PAPOLG: variants seen among roughly 807,000 people sequenced by gnomAD.
The protein encoded by PAPOLG is PAP-gamma.
PAPOLG carries 40 observed loss-of-function variants against 99.0 expected under a neutral mutation model. The ratio of observed to expected loss-of-function variants is 0.40; its 90% CI spans 0.31 to 0.53. PAPOLG has a LOEUF of 0.53. Among genes scored for constraint, PAPOLG ranks in the 20% least tolerant of loss-of-function variants. PAPOLG has a pLI of 0.41. For synonymous variants in PAPOLG, 310 were observed against 299.3 expected (o/e 1.04, Z -0.37); for missense variants, 675 against 884.1 (o/e 0.76, Z 3.00).
intron 18 of PAPOLG, 42 bp from the exon 19 acceptor site, chr2:60,793,929 A>T (rs749670717): frequency 6.4e-7 from 1 of 1,573,672 alleles, no homozygotes; most frequent in Non-Finnish European, 8.7e-7. Flanking sequence ...AAAAAAAATT[A>T]CATAAATGTT....
At chr2:60,793,741 A>C in intron 18 of PAPOLG, 26 bp downstream of exon 18, 1 of 1,584,196 alleles carries the variant, frequency 6.3e-7, no homozygotes, top group Non-Finnish European at 8.6e-7. Context: ...TGTATATATT[A>C]ATAATTATAT....
chr2:60,761,656 C>T, intron 2 of PAPOLG, 85 bp from the exon 3 acceptor site: 1 of 1,174,476 alleles, frequency 8.5e-7, no homozygotes, highest in Non-Finnish European at 1.2e-6. Flanking sequence ...AGCATCAACA[C>T]AAAGGGTACT....
intron 13 of PAPOLG, among the ~76,000 whole-genome samples, chr2:60,785,588 G>A (rs185448322): frequency 4.6e-5 from 7 of 151,930 alleles, no homozygotes; most frequent in East Asian, 3.9e-4. Context: ...GTATAGTGGG[G>A]TGATCATACT....
At chr2:60,796,097 A>AT (rs1385209517) in intron 21 of PAPOLG, among the ~76,000 whole-genome samples, 2 of 152,128 alleles carry the variant, frequency 1.3e-5, no homozygotes, top group East Asian at 3.9e-4. Flanking sequence ...GTTTTAATGC[A>AT]TATGGATATG....
rs201507472 is a variant in PAPOLG, at chr2:60,783,223, T to A, written c.1166+14T>A. On this transcript the variant is annotated intron_variant, in intron 13 of 21. Transcript: ENST00000238714. Reference sequence around the variant, plus strand: ...CCATCTAGAGTGGTAAGACTTCTATTTCAAGTTTTCTACCTACTGTGTGGT... The same window carrying A: ...CCATCTAGAGTGGTAAGACTTCTATATCAAGTTTTCTACCTACTGTGTGGT... 1.3e-6 allele frequency: 2 copies of A among 1,517,482 alleles called. No individual in the cohort carries two copies. The highest frequency in any genetic ancestry group is 1.8e-6 in the Non-Finnish European group (2 of 1,112,030). The allele number at this position is 1,517,482 out of a possible 1,614,324, so 94.0% of individuals were successfully genotyped here.
intron 15 of PAPOLG, among the ~76,000 whole-genome samples, chr2:60,789,432 G>T (rs896745457): frequency 2.6e-5 from 4 of 151,740 alleles, no homozygotes; most frequent in African/African-American, 9.7e-5. Context: ...ACAGGATTTC[G>T]CCATGTTGCC....
intron 7 of PAPOLG, among the ~76,000 whole-genome samples, chr2:60,772,591 A>G (rs1486278212): frequency 1.3e-5 from 2 of 152,150 alleles, no homozygotes; most frequent in Admixed American, 6.5e-5. Context: ...TCTATTAAAA[A>G]TAAAAAACTA....
At chr2:60,794,890 T>C (rs994198164) in intron 20 of PAPOLG, 74 bp from the exon 21 acceptor site, 14 of 1,586,060 alleles carry the variant, frequency 8.8e-6, no homozygotes, top group Non-Finnish European at 1.2e-5. Flanking sequence ...TTCGTTAGGT[T>C]TTATTTTAAG....
intron 15 of PAPOLG, among the ~76,000 whole-genome samples, chr2:60,787,905 G>C (rs1671414290): frequency 6.6e-6 from 1 of 152,086 alleles, no homozygotes; most frequent in African/African-American, 2.4e-5. Context: ...TACAAAGTTA[G>C]TAGAGTGTGG....
intron 15 of PAPOLG, among the ~76,000 whole-genome samples, chr2:60,790,746 A>G (rs943449071): frequency 1.3e-5 from 2 of 152,144 alleles, no homozygotes; most frequent in African/African-American, 4.8e-5. Context: ...GTAAATTCTC[A>G]TGGAGGAGGA....
rs1671537439 is a variant in PAPOLG, at chr2:60,791,567, T to G, written c.1397-194T>G. ...AACTCCATCTCAAAAAAAGAAAAACTAGTGGATTCATGAATAGGATTGTGA... is the reference window on the plus strand; with the variant it reads ...AACTCCATCTCAAAAAAAGAAAAACGAGTGGATTCATGAATAGGATTGTGA... On this transcript the variant is annotated intron_variant, in intron 15 of 21. Transcript: ENST00000238714. The G allele has an allele frequency of 1.2e-5, 6 of 483,014 alleles. No homozygotes were observed. The South Asian group carries it at 2.3e-4, about 19-fold the overall frequency. The allele number at this position is 483,014 out of a possible 1,614,324, so 29.9% of individuals were successfully genotyped here. A position where few individuals can be genotyped will look rare whatever the true frequency, so the allele number is the denominator to read the frequency against.
chr2:60,761,052 G>C, intron 2 of PAPOLG, among the ~76,000 whole-genome samples: 1 of 152,152 alleles, frequency 6.6e-6, no homozygotes, highest in East Asian at 1.9e-4. Flanking sequence ...TTAAAGGTAG[G>C]GTTCTTAGGG....
chr2:60,791,983 G>A, intron 16 of PAPOLG, 101 bp downstream of exon 16: 1 of 1,473,170 alleles, frequency 6.8e-7, no homozygotes, highest in South Asian at 1.3e-5. Flanking sequence ...AGAAAAATAA[G>A]GAAGATATAG....
chr2:60,791,710 A>C, intron 15 of PAPOLG, 51 bp from the exon 16 acceptor site: 1 of 1,555,736 alleles, frequency 6.4e-7, no homozygotes, highest in East Asian at 2.3e-5. Flanking sequence ...ATTAGGCAGA[A>C]CCCTTGGTTC....
intron 12 of PAPOLG, 110 bp from the exon 13 acceptor site, chr2:60,783,046 T>C: frequency 3.0e-6 from 3 of 1,007,398 alleles, no homozygotes; most frequent in Non-Finnish European, 4.2e-6. Context: ...CTGTGTGCCT[T>C]TATTAGCTCA....
intron 3 of PAPOLG, among the ~76,000 whole-genome samples, chr2:60,765,519 G>C (rs1416618699): frequency 6.6e-6 from 1 of 151,294 alleles, no homozygotes; most frequent in Non-Finnish European, 1.5e-5. Flanking sequence ...TTATAGGCAT[G>C]AGCCACCACT....
chr2:60,798,345 A>G lies in PAPOLG; in HGVS notation c.*1185A>G, dbSNP rs997421140. The G allele has an allele frequency of 2.0e-5, 3 of 152,794 alleles. No homozygotes were observed. Among genetic ancestry groups the G allele is most frequent in the Non-Finnish European group, 2.9e-5 (2 of 68,036 alleles). The allele number at this position is 152,794 out of a possible 1,614,324, so 9.5% of individuals were successfully genotyped here. ...ATGCATGCTCAGTTTATTAAAATCC[A>G]TAACCATGTAATTCTTGTAATATGT... On this transcript the variant is annotated 3_prime_UTR_variant, in exon 22 of 22. Coordinates refer to ENST00000238714, the MANE Select transcript of PAPOLG (RefSeq NM_022894.4).
At chr2:60,780,070 A>G (rs991108647) in intron 9 of PAPOLG, among the ~76,000 whole-genome samples, 1 of 152,214 alleles carries the variant, frequency 6.6e-6, no homozygotes. Flanking sequence ...AATGGAGATG[A>G]TAATCACATT....
chr2:60,771,063 C>T (rs1408097989), intron 6 of PAPOLG, among the ~76,000 whole-genome samples: 1 of 152,188 alleles, frequency 6.6e-6, no homozygotes, highest in East Asian at 1.9e-4. Context: ...GGGTCTGTTA[C>T]CACTTGTCCA....
Sources: allele counts gnomAD v4.1 joint callset (sites outside exome capture counted in the v4.1 genomes callset), GRCh38; gene constraint gnomAD v4.1.1; transcripts MANE v1.5; gene names NCBI Gene and HGNC (gene_info 2026-07-23, HGNC 2026-07-21).